IGF2BP2: variants seen among roughly 807,000 people sequenced by gnomAD.
The protein encoded by IGF2BP2 is insulin-like growth factor 2 mRNA-binding protein 2.
Under a neutral mutation model 75.8 loss-of-function variants are expected in IGF2BP2, and 17 were observed. The ratio of observed to expected loss-of-function variants is 0.22; its 90% CI spans 0.15 to 0.34. The LOEUF is 0.34. Ranked by LOEUF, IGF2BP2 falls within the 10% of genes least tolerant of loss-of-function variation. The probability of loss-of-function intolerance (pLI) is 1.00; values close to 1 mark genes in which losing one functional copy is unlikely to be tolerated. For missense variants in IGF2BP2, 516 were observed against 772.4 expected (o/e 0.67, Z 3.93); for synonymous variants, 288 against 295.6 (o/e 0.97, Z 0.26).
intron 10 of IGF2BP2, among the ~76,000 whole-genome samples, chr3:185,667,769 C>G (rs189669445): frequency 3.3e-5 from 5 of 152,232 alleles, no homozygotes; most frequent in Non-Finnish European, 5.9e-5. Context: ...CATTTTATTG[C>G]GTTTGGCTTT....
At chr3:185,761,345 CA>C (rs1479490896) in intron 2 of IGF2BP2, among the ~76,000 whole-genome samples, 5 of 152,086 alleles carry the variant, frequency 3.3e-5, no homozygotes, top group Non-Finnish European at 7.4e-5. Context: ...ACTTGATGGT[CA>C]GGGGAAATAA....
At chr3:185,700,936 G>T (rs1363693885) in intron 2 of IGF2BP2, among the ~76,000 whole-genome samples, 1 of 152,282 alleles carries the variant, frequency 6.6e-6, no homozygotes, top group Non-Finnish European at 1.5e-5. Context: ...TACAAGAAAA[G>T]AGGTAATTAC....
chr3:185,675,009 CTTTTT>C (rs777364824), intron 9 of IGF2BP2: 3 of 110,046 alleles, frequency 2.7e-5, no homozygotes, highest in Non-Finnish European at 3.6e-5. Flanking sequence ...TCTTGCTTTT[CTTTTT>C]TTTTTTTTTT....
chr3:185,786,993 C>T (rs1735983432), intron 2 of IGF2BP2, among the ~76,000 whole-genome samples: 1 of 152,166 alleles, frequency 6.6e-6, no homozygotes, highest in Admixed American at 6.5e-5. Context: ...CCCACCAAAA[C>T]AAATTACTGC....
intron 2 of IGF2BP2, among the ~76,000 whole-genome samples, chr3:185,808,735 T>C (rs1446023557): frequency 6.6e-6 from 1 of 151,376 alleles, no homozygotes; most frequent in Non-Finnish European, 1.5e-5. Context: ...ATTTTTTTTT[T>C]TTTTATCATT....
intron 2 of IGF2BP2, among the ~76,000 whole-genome samples, chr3:185,780,188 C>T (rs909012506): frequency 4.0e-5 from 6 of 151,310 alleles, no homozygotes; most frequent in African/African-American, 7.3e-5. Flanking sequence ...GATACATATA[C>T]GCATATGTAA....
intron 2 of IGF2BP2, among the ~76,000 whole-genome samples, chr3:185,811,594 A>G (rs1181757845): frequency 6.6e-6 from 1 of 152,194 alleles, no homozygotes; most frequent in Non-Finnish European, 1.5e-5. Context: ...CACTGGCCCT[A>G]CATTTCCAAA....
At chr3:185,648,456 T>C (rs1713987757) in intron 14 of IGF2BP2, among the ~76,000 whole-genome samples, 1 of 136,560 alleles carries the variant, frequency 7.3e-6, no homozygotes, top group Admixed American at 7.5e-5. Context: ...AGAGCGAAAC[T>C]CTGTCTCAAA....
At chr3:185,804,499 A>G (rs1344019380) in intron 2 of IGF2BP2, among the ~76,000 whole-genome samples, 1 of 152,102 alleles carries the variant, frequency 6.6e-6, no homozygotes, top group African/African-American at 2.4e-5. Flanking sequence ...AGCTGAATAT[A>G]AGTCATTTTT....
intron 2 of IGF2BP2, among the ~76,000 whole-genome samples, chr3:185,747,750 C>G (rs1300303508): frequency 1.3e-5 from 2 of 152,064 alleles, no homozygotes; most frequent in African/African-American, 4.8e-5. Context: ...TATTTGGTTT[C>G]TTTAGTAGAC....
rs375142899 is a variant in IGF2BP2 at position 185,721,999 on chromosome 3, C to T, written c.240-23652G>A. On this transcript the variant is annotated intron_variant, in intron 2 of 15. Transcript: ENST00000382199. Reference sequence around the variant, plus strand: ...GCAGTTCTTAGAAACTTTCAGGTGGCAAGTACTTGTTTTTTTTTTTAATTT... The same window carrying T: ...GCAGTTCTTAGAAACTTTCAGGTGGTAAGTACTTGTTTTTTTTTTTAATTT... 3.1e-4 allele frequency: 81 copies of T among 262,914 alleles called. 2 individuals are homozygous for T. Among genetic ancestry groups the T allele is most frequent in the South Asian group, 2.7e-3 (80 of 29,818 alleles). 16.3% of individuals were successfully genotyped at this position (262,914 alleles called of 1,614,324 possible). A position where few individuals can be genotyped will look rare whatever the true frequency, so the allele number is the denominator to read the frequency against.
intron 10 of IGF2BP2, among the ~76,000 whole-genome samples, chr3:185,670,392 C>T (rs1019071868): frequency 6.6e-6 from 1 of 152,050 alleles, no homozygotes; most frequent in African/African-American, 2.4e-5. Flanking sequence ...CTCATGTGAT[C>T]TGTATGTATC....
intron 13 of IGF2BP2, among the ~76,000 whole-genome samples, chr3:185,650,072 A>G (rs74883944): frequency 2.3e-3 from 338 of 150,092 alleles, no homozygotes; most frequent in African/African-American, 7.9e-3. Context: ...GCACGATCAT[A>G]GCTCATGTTT....
At chr3:185,757,067 T>A (rs571052136) in intron 2 of IGF2BP2, among the ~76,000 whole-genome samples, 9 of 152,352 alleles carry the variant, frequency 5.9e-5, no homozygotes, top group Admixed American at 2.6e-4. Context: ...CGTATCTCTA[T>A]CCTAGCAAAA....
chr3:185,773,938 G>A (rs764407468), intron 2 of IGF2BP2, among the ~76,000 whole-genome samples: 2 of 152,044 alleles, frequency 1.3e-5, no homozygotes, highest in Non-Finnish European at 2.9e-5. Context: ...CAGCTCCTTC[G>A]CGGAGATCTT....
chr3:185,686,174 AG>A (rs1404393694), intron 7 of IGF2BP2, among the ~76,000 whole-genome samples: 1 of 152,218 alleles, frequency 6.6e-6, no homozygotes, highest in Admixed American at 6.5e-5. Flanking sequence ...ATTTGAAGTC[AG>A]GAGTTCGAGA....
At chr3:185,745,614 A>G (rs2149593516) in intron 2 of IGF2BP2, among the ~76,000 whole-genome samples, 1 of 152,268 alleles carries the variant, frequency 6.6e-6, no homozygotes, top group Admixed American at 6.5e-5. Context: ...AATGAGTCCA[A>G]CCGTCTTCTG....
chr3:185,688,684 G>A (rs2149315027), intron 6 of IGF2BP2, among the ~76,000 whole-genome samples: 1 of 152,274 alleles, frequency 6.6e-6, no homozygotes. Flanking sequence ...AGAGGCAACT[G>A]ATGCTCAGAG....
chr3:185,722,062 G>A (rs1560358209), intron 2 of IGF2BP2: 2 of 274,848 alleles, frequency 7.3e-6, no homozygotes, highest in Non-Finnish European at 1.4e-5. Context: ...TGCCTTAGTC[G>A]CCTAAGTAGC....
Sources: allele counts gnomAD v4.1 joint callset (sites outside exome capture counted in the v4.1 genomes callset), GRCh38; gene constraint gnomAD v4.1.1; transcripts MANE v1.5; gene names NCBI Gene and HGNC (gene_info 2026-07-23, HGNC 2026-07-21).